Variants in TNS3 observed in about 807,000 individuals in gnomAD.
TNS3 encodes the protein tensin 3, also known as tensin-3.
Under a neutral mutation model 140.9 loss-of-function variants are expected in TNS3, and 45 were observed. The observed-to-expected ratio is 0.32, with a 90% CI of 0.25 to 0.41. The LOEUF (loss-of-function observed/expected upper bound fraction) is 0.41, where lower values mean the gene tolerates loss of function less well. Among genes scored for constraint, TNS3 ranks in the 10% least tolerant of loss-of-function variants. The pLI, the probability that TNS3 is intolerant of heterozygous loss-of-function variation, is 1.00. For missense variants in TNS3, 1,716 were observed against 1,906.7 expected (o/e 0.90, Z 1.86); for synonymous variants, 815 against 788.4 (o/e 1.03, Z -0.56).
At chr7:47,466,660 C>A (rs961148758) in intron 4 of TNS3, among the ~76,000 whole-genome samples, 4 of 152,172 alleles carry the variant, frequency 2.6e-5, no homozygotes, top group Non-Finnish European at 5.9e-5. Flanking sequence ...AGGGTGAGGA[C>A]TCAGCTGTGT....
chr7:47,549,429 A>G (rs952393764), intron 1 of TNS3, among the ~76,000 whole-genome samples: 11 of 152,078 alleles, frequency 7.2e-5, no homozygotes, highest in Non-Finnish European at 1.5e-4. Context: ...CAGGAGGCGG[A>G]GGTTGCAGTG....
At chr7:47,523,831 C>T (rs1799078607) in intron 2 of TNS3, among the ~76,000 whole-genome samples, 2 of 152,234 alleles carry the variant, frequency 1.3e-5, no homozygotes, top group Non-Finnish European at 2.9e-5. Flanking sequence ...CCACCCACCA[C>T]AAAGAAAGGA....
chr7:47,354,339 G>A (rs529519188), intron 17 of TNS3, among the ~76,000 whole-genome samples: 11 of 152,060 alleles, frequency 7.2e-5, no homozygotes, highest in African/African-American at 2.2e-4. Context: ...GGCTCTGGGC[G>A]ATCCGCCCTC....
intron 4 of TNS3, among the ~76,000 whole-genome samples, chr7:47,454,312 C>A (rs569094203): frequency 6.6e-6 from 1 of 152,196 alleles, no homozygotes; most frequent in Non-Finnish European, 1.5e-5. Context: ...ACAGCAGTGA[C>A]GGCAGGGGGT....
At chr7:47,582,408 C>A (rs1043123380), upstream of TNS3, 11 of 456,320 alleles carry the variant, frequency 2.4e-5, no homozygotes, top group African/African-American at 4.0e-5. Context: ...CAGGTTCCGC[C>A]GGGCCGGTGT....
At chr7:47,471,544 G>T (rs1301012691) in intron 4 of TNS3, among the ~76,000 whole-genome samples, 4 of 152,196 alleles carry the variant, frequency 2.6e-5, no homozygotes, top group African/African-American at 9.6e-5. Context: ...AGCCTTTCCT[G>T]GAAGAGCCCT....
At chr7:47,399,309 G>A (rs990061320) in intron 15 of TNS3, among the ~76,000 whole-genome samples, 7 of 151,602 alleles carry the variant, frequency 4.6e-5, no homozygotes, top group African/African-American at 1.5e-4. Flanking sequence ...CATTCTTCAC[G>A]AAATTGGAAA....
chr7:47,538,773 TTC>T (rs1799695126), intron 1 of TNS3, among the ~76,000 whole-genome samples: 1 of 152,214 alleles, frequency 6.6e-6, no homozygotes, highest in South Asian at 2.1e-4. Flanking sequence ...CAAGCAGGCA[TTC>T]TCATTTCCCC....
Position 47,292,027 on chromosome 7 carries a change from A to G in TNS3, c.3856T>C (p.Leu1286=), listed in dbSNP as rs375403158. The G allele has an allele frequency of 1.0e-4, 165 of 1,613,962 alleles. No homozygotes were observed. Among genetic ancestry groups the G allele is most frequent in the Non-Finnish European group, 1.4e-4 (160 of 1,179,990 alleles). Residue 1286 remains leucine, a synonymous_variant, in exon 27 of 31, where the codon TTG becomes CTG. Transcript: ENST00000311160. The stretch of plus-strand genomic sequence containing the variant: ...GGAGAACTTTCTGCTATTTCCTCCA[A>G]TGGATCTGTAGGAAGGGGCAAGAAA... ...CKLLIPERDP[L]EEIAESSPQT... is the part of the protein sequence containing the mutation.
chr7:47,555,060 GA>G (rs1167380705), intron 1 of TNS3, among the ~76,000 whole-genome samples: 1 of 151,918 alleles, frequency 6.6e-6, no homozygotes, highest in Non-Finnish European at 1.5e-5. Context: ...CCTTGATAAA[GA>G]AGATGCTGTA....
chr7:47,374,455 AACTGCTACCTCT>A (rs1010407005), intron 16 of TNS3, among the ~76,000 whole-genome samples: 14 of 152,154 alleles, frequency 9.2e-5, no homozygotes, highest in Non-Finnish European at 1.5e-5. Flanking sequence ...TCACCTATGA[AACTGCTACCTCT>A]ACACTGGGCA....
At chr7:47,341,454 G>A (rs1789015332) in intron 20 of TNS3, among the ~76,000 whole-genome samples, 1 of 152,184 alleles carries the variant, frequency 6.6e-6, no homozygotes, top group Admixed American at 6.5e-5. Flanking sequence ...TGGGTGAGTT[G>A]TGACAGTTCA....
Position 47,426,049 on chromosome 7 carries a change from G to A in TNS3, c.390-1865C>T, listed in dbSNP as rs535274662. Among the ~76,000 whole-genome samples the A allele has an allele frequency of 9.2e-5, 14 of 152,150 alleles. No homozygotes were observed. The East Asian group carries it at 2.1e-3, about 23-fold the overall frequency. ...AAAAAAAACACACACTTAGGAGGCT[G>A]AGGTGGGCAAATCACGAGGTCAGGA... On this transcript the variant is annotated intron_variant, in intron 9 of 30. Coordinates refer to ENST00000311160, the MANE Select transcript of TNS3 (RefSeq NM_022748.12).
rs146931481 is a variant in TNS3 at position 47,501,347 on chromosome 7, C to T, written c.-115+5560G>A. 9.2e-5 allele frequency among the ~76,000 whole-genome samples: 14 copies of T among 152,222 alleles called. No individual in the cohort carries two copies. The East Asian group carries it at 1.7e-3, about 19-fold the overall frequency. ...CTTTTGGGGAGGTCAAAGCTGACAC[C>T]CCAACCTTAAAAGCTGTGGCAATGA... On this transcript the variant is annotated intron_variant, in intron 3 of 30. Coordinates refer to ENST00000311160, the MANE Select transcript of TNS3 (RefSeq NM_022748.12).
chr7:47,423,729 C>T (rs927412160), intron 10 of TNS3, among the ~76,000 whole-genome samples: 1 of 152,252 alleles, frequency 6.6e-6, no homozygotes, highest in Non-Finnish European at 1.5e-5. Context: ...AAAATATCCA[C>T]TCTCTAGTCC....
At chr7:47,380,363 G>C (rs1267023504) in intron 16 of TNS3, among the ~76,000 whole-genome samples, 1 of 152,224 alleles carries the variant, frequency 6.6e-6, no homozygotes, top group East Asian at 1.9e-4. Flanking sequence ...CAGAGGAAAA[G>C]AGGAGGTCCT....
At chr7:47,329,184 A>G (rs945899012) in intron 20 of TNS3, among the ~76,000 whole-genome samples, 2 of 152,148 alleles carry the variant, frequency 1.3e-5, no homozygotes, top group Non-Finnish European at 2.9e-5. Context: ...GACACGGTAC[A>G]TTACTCAGGG....
At chr7:47,297,248 C>T in intron 23 of TNS3, 35 bp from the exon 24 acceptor site, 1 of 1,588,136 alleles carries the variant, frequency 6.3e-7, no homozygotes, top group South Asian at 1.2e-5. Context: ...AGAAGGTCTG[C>T]CGGGTGGACA....
chr7:47,332,821 G>A (rs556633649), intron 20 of TNS3, among the ~76,000 whole-genome samples: 10 of 151,780 alleles, frequency 6.6e-5, no homozygotes, highest in South Asian at 2.1e-4. Flanking sequence ...AGCTACAGAC[G>A]GGCAGGACCA....
Sources: allele counts gnomAD v4.1 joint callset (sites outside exome capture counted in the v4.1 genomes callset), GRCh38; gene constraint gnomAD v4.1.1; transcripts MANE v1.5; gene names NCBI Gene and HGNC (gene_info 2026-07-23, HGNC 2026-07-21).